Variants in BACH2 observed in about 807,000 individuals in gnomAD.
BACH2 encodes the protein BACH transcriptional regulator 2.
In BACH2, 5 loss-of-function variants were observed where a neutral mutation model predicts 61.8. The observed-to-expected ratio is 0.08, with a 90% CI of 0.04 to 0.17. The LOEUF (loss-of-function observed/expected upper bound fraction) is 0.17, where lower values mean the gene tolerates loss of function less well. Among genes scored for constraint, BACH2 ranks in the 10% least tolerant of loss-of-function variants. The probability of loss-of-function intolerance (pLI) is 1.00; values close to 1 mark genes in which losing one functional copy is unlikely to be tolerated. For synonymous variants in BACH2, 446 were observed against 440.1 expected (o/e 1.01, Z -0.17); for missense variants, 824 against 1,091.1 (o/e 0.76, Z 3.45).
chr6:90,002,515 A>G (rs1777188702), intron 6 of BACH2, among the ~76,000 whole-genome samples: 1 of 152,202 alleles, frequency 6.6e-6, no homozygotes, highest in Non-Finnish European at 1.5e-5. Flanking sequence ...TCACGCCTTA[A>G]TCCCAGCACT....
At chr6:89,977,110 T>A (rs1309923231) in intron 6 of BACH2, among the ~76,000 whole-genome samples, 2 of 152,226 alleles carry the variant, frequency 1.3e-5, no homozygotes, top group Non-Finnish European at 2.9e-5. Context: ...CTAGATGCTA[T>A]CTGCTAGGAT....
At chr6:90,048,184 A>T (rs990766060) in intron 5 of BACH2, among the ~76,000 whole-genome samples, 2 of 152,076 alleles carry the variant, frequency 1.3e-5, no homozygotes, top group African/African-American at 4.8e-5. Context: ...ACTGGTGTGC[A>T]GTGGTGTGAT....
At chr6:89,970,141 A>C (rs995690595) in intron 6 of BACH2, among the ~76,000 whole-genome samples, 4 of 152,358 alleles carry the variant, frequency 2.6e-5, no homozygotes, top group Admixed American at 2.0e-4. Context: ...CAGGAGAAAG[A>C]AGGTGGGCAG....
chr6:89,974,156 T>A (rs575851061), intron 6 of BACH2, among the ~76,000 whole-genome samples: 3 of 152,140 alleles, frequency 2.0e-5, no homozygotes, highest in Admixed American at 2.0e-4. Flanking sequence ...GTCTTACTCT[T>A]GTCATTGAAG....
chr6:90,062,586 T>C (rs973778125), intron 5 of BACH2, among the ~76,000 whole-genome samples: 1 of 152,230 alleles, frequency 6.6e-6, no homozygotes, highest in African/African-American at 2.4e-5. Context: ...TTAATGGTCA[T>C]AGGATACAGC....
At position 89,929,087 on chromosome 6, in the gene BACH2, T is replaced by C. The variant is rs1385455166; in HGVS notation, c.*3321A>G. On this transcript the variant is annotated 3_prime_UTR_variant, in exon 9 of 9. Transcript: ENST00000257749. ...GGACTGGATTTAGGTGGGATGTTCA[T>C]TAGTCTCAGGGTCACTCACCTCCAC... 7.0e-6 allele frequency: 1 copy of C among 143,204 alleles called. No homozygotes were observed. Among genetic ancestry groups the C allele is most frequent in the Non-Finnish European group, 1.6e-5 (1 of 64,312 alleles). The allele number at this position is 143,204 out of a possible 1,614,324, so 8.9% of individuals were successfully genotyped here.
At chr6:90,198,273 T>C (rs898722194) in intron 4 of BACH2, among the ~76,000 whole-genome samples, 4 of 152,214 alleles carry the variant, frequency 2.6e-5, no homozygotes, top group African/African-American at 4.8e-5. Context: ...AGCTCCCGTG[T>C]GTCCAGAGAA....
chr6:89,970,779 G>A (rs1327386344), intron 6 of BACH2, among the ~76,000 whole-genome samples: 2 of 152,116 alleles, frequency 1.3e-5, no homozygotes, highest in South Asian at 2.1e-4. Context: ...CCTGGGTGGT[G>A]CGCAATTCTA....
rs1387498643 is a variant in BACH2 at position 89,950,134 on chromosome 6, G to A, written c.1836+136C>T. ...CCTTCAGCATCCTGCCTCTGTGGAT[G>A]GGGAAGGCAGTCTCTCTACTGTCAT... is the stretch of plus-strand genomic sequence containing the variant. On this transcript the variant is annotated intron_variant, in intron 7 of 8. Transcript: ENST00000257749. The surrounding 1 kb of genome is among the most constrained non-coding windows in gnomAD (Gnocchi z 5.3). The A allele has an allele frequency of 1.5e-5, 15 of 1,005,738 alleles. No individual in the cohort carries two copies. In the East Asian group the frequency reaches 3.2e-4, roughly 21 times the overall value. The allele number at this position is 1,005,738 out of a possible 1,614,324, so 62.3% of individuals were successfully genotyped here. A position where few individuals can be genotyped will look rare whatever the true frequency, so the allele number is the denominator to read the frequency against.
At chr6:90,032,734 C>T (rs754005766) in intron 5 of BACH2, among the ~76,000 whole-genome samples, 36 of 152,044 alleles carry the variant, frequency 2.4e-4, no homozygotes, top group African/African-American at 4.6e-4. Context: ...TGTGGAGAAA[C>T]AGGAACACTT....
intron 4 of BACH2, among the ~76,000 whole-genome samples, chr6:90,135,776 C>T (rs1288978289): frequency 6.6e-6 from 1 of 152,138 alleles, no homozygotes; most frequent in Non-Finnish European, 1.5e-5. Flanking sequence ...TGCATTAGCC[C>T]TCCTCCCACT....
At chr6:89,958,632 C>T (rs1347411094) in intron 6 of BACH2, among the ~76,000 whole-genome samples, 5 of 152,188 alleles carry the variant, frequency 3.3e-5, no homozygotes, top group Admixed American at 1.3e-4. Flanking sequence ...TAAATGTTTA[C>T]AGTGTCACCT....
chr6:90,049,467 G>A (rs750647901), intron 5 of BACH2, among the ~76,000 whole-genome samples: 2 of 152,120 alleles, frequency 1.3e-5, no homozygotes, highest in Non-Finnish European at 2.9e-5. Flanking sequence ...TGTGGTCTGT[G>A]GAACCCCTGG....
chr6:90,295,303 C>G (rs943646278), intron 1 of BACH2, among the ~76,000 whole-genome samples: 1 of 152,130 alleles, frequency 6.6e-6, no homozygotes, highest in African/African-American at 2.4e-5. Context: ...CGGGAGAGTG[C>G]TGGGGATGCC....
chr6:90,103,996 G>A (rs1480475392), intron 4 of BACH2, among the ~76,000 whole-genome samples: 1 of 152,158 alleles, frequency 6.6e-6, no homozygotes, highest in African/African-American at 2.4e-5. Flanking sequence ...GGCCTGGTCA[G>A]TGACCGACAA....
chr6:90,277,828 A>G (rs1261713900), intron 1 of BACH2, among the ~76,000 whole-genome samples: 1 of 152,238 alleles, frequency 6.6e-6, no homozygotes, highest in African/African-American at 2.4e-5. Context: ...GCCAACAGCA[A>G]AGATCAAATG....
At chr6:90,096,575 T>C (rs1782389137) in intron 4 of BACH2, among the ~76,000 whole-genome samples, 1 of 152,244 alleles carries the variant, frequency 6.6e-6, no homozygotes, top group Non-Finnish European at 1.5e-5. Flanking sequence ...CTTGAATGAA[T>C]GGCTACACCA....
chr6:90,154,972 A>G (rs1010498496), intron 4 of BACH2, among the ~76,000 whole-genome samples: 3 of 152,218 alleles, frequency 2.0e-5, no homozygotes, highest in East Asian at 1.9e-4. Flanking sequence ...AGGCTCAACC[A>G]TAAGTCAGGT....
chr6:90,080,908 C>G, intron 5 of BACH2: 4 of 328,478 alleles, frequency 1.2e-5, no homozygotes, highest in South Asian at 1.2e-4. Flanking sequence ...GGGTGATAGT[C>G]CACTATCGCC....
Sources: allele counts gnomAD v4.1 joint callset (sites outside exome capture counted in the v4.1 genomes callset), GRCh38; gene constraint gnomAD v4.1.1; non-coding constraint Gnocchi (gnomAD v3.1); transcripts MANE v1.5; gene names NCBI Gene and HGNC (gene_info 2026-07-23, HGNC 2026-07-21).